LHPP: variants seen among roughly 807,000 people sequenced by gnomAD.
LHPP encodes phospholysine phosphohistidine inorganic pyrophosphate phosphatase, also known as hLHPP.
Under a neutral mutation model 30.3 loss-of-function variants are expected in LHPP, and 24 were observed. The ratio of observed to expected loss-of-function variants is 0.79; its 90% CI spans 0.57 to 1.11. The LOEUF is 1.11. Among genes scored for constraint, LHPP ranks in the 50% most tolerant of loss-of-function variants. The pLI is 0.00. For missense variants in LHPP, 356 were observed against 367.2 expected (o/e 0.97, Z 0.25); for synonymous variants, 150 against 157.1 (o/e 0.95, Z 0.34).
intron 6 of LHPP, among the ~76,000 whole-genome samples, chr10:124,551,062 C>T (rs1343235527): frequency 6.6e-6 from 1 of 152,190 alleles, no homozygotes. Flanking sequence ...TAAAATGGGG[C>T]CATGGGAGCC....
In LHPP at chr10:124,517,069, G is replaced by T; in HGVS notation, c.625-111G>T. ...TATTATCTTGTTTAATTTGTATGAT[G>T]GTGGTTGTAAACATCAAATCAAGCC... On this transcript the variant is annotated intron_variant, in intron 5 of 6. Transcript: ENST00000368842. This position sits in a 1 kb window ranked among gnomAD's most constrained non-coding sequence, Gnocchi z 4.1. 4.6e-6 allele frequency: 3 copies of T among 648,284 alleles called. No individual in the cohort carries two copies. The highest frequency in any genetic ancestry group is 2.7e-4 in the Middle Eastern group (1 of 3,730). The allele number at this position is 648,284 out of a possible 1,614,324, so 40.2% of individuals were successfully genotyped here. A position where few individuals can be genotyped will look rare whatever the true frequency, so the allele number is the denominator to read the frequency against.
intron 6 of LHPP, among the ~76,000 whole-genome samples, chr10:124,563,308 T>TTA (rs1554892863): frequency 0.22 from 32,179 of 145,478 alleles, 3,840 homozygotes; most frequent in East Asian, 0.33. Flanking sequence ...TCTCTCTCTC[T>TTA]TTTTCTTTTT....
At chr10:124,498,558 A>G (rs1953798670) in intron 5 of LHPP, 2 of 1,204,684 alleles carry the variant, frequency 1.7e-6, no homozygotes, top group South Asian at 3.3e-5. Flanking sequence ...AAACTTCCAA[A>G]TTTTAGAAAG....
intron 1 of LHPP, among the ~76,000 whole-genome samples, chr10:124,482,250 T>C (rs1163364955): frequency 1.3e-5 from 2 of 152,226 alleles, no homozygotes; most frequent in Non-Finnish European, 2.9e-5. Context: ...GCCTCCTCTC[T>C]ATGTGTGTTT....
chr10:124,498,163 G>A (rs1475698394), intron 5 of LHPP, 35 bp downstream of exon 5: 3 of 1,592,710 alleles, frequency 1.9e-6, no homozygotes, highest in Non-Finnish European at 2.6e-6. Context: ...GTCAGGGGAG[G>A]CAGCCCCGTC....
At chr10:124,475,334 G>T (rs576383416) in intron 1 of LHPP, among the ~76,000 whole-genome samples, 196 of 151,444 alleles carry the variant, frequency 1.3e-3, no homozygotes, top group African/African-American at 4.3e-3. Context: ...GTGGTCAGGA[G>T]TTCGAGACCA....
At chr10:124,543,080 G>A (rs1005939755) in intron 6 of LHPP, among the ~76,000 whole-genome samples, 9 of 152,310 alleles carry the variant, frequency 5.9e-5, no homozygotes, top group South Asian at 4.1e-4. Context: ...TGGGCCCAGC[G>A]GGTCCTCAGG....
chr10:124,526,326 C>A, intron 6 of LHPP: 1 of 758,936 alleles, frequency 1.3e-6, no homozygotes, highest in Non-Finnish European at 1.6e-6. Flanking sequence ...CTCGTCTACA[C>A]CCTGCAACAG....
Position 124,536,957 on chromosome 10 carries a change from C to T in LHPP, c.716+19686C>T, listed in dbSNP as rs538882218. 3.3e-5 allele frequency among the ~76,000 whole-genome samples: 5 copies of T among 152,192 alleles called. No individual in the cohort carries two copies. In the East Asian group the frequency reaches 5.8e-4, roughly 18 times the overall value. On this transcript the variant is annotated intron_variant, in intron 6 of 6. Transcript: ENST00000368842. ...TGCCCAGGCTCCCCGACCTCTCCAG[C>T]AACAAAAATCATAAACACAGCATAT...
rs1491422653 is a variant in LHPP at position 124,506,272 on chromosome 10, CCA to C, written c.624+8146_624+8147del. On this transcript the variant is annotated intron_variant, in intron 5 of 6. Transcript: ENST00000368842. ...TCAAAAAAAACAACAAACCCCCCCC[CCA>C]CCCCGCGGTTTCTCAACCTCGACAC... is the stretch of plus-strand genomic sequence containing the variant. Among the ~76,000 whole-genome samples, 489 of 128,732 alleles carry C rather than the reference CCA, an allele frequency of 3.8e-3. 11 individuals are homozygous for C. Among genetic ancestry groups the C allele is most frequent in the African/African-American group, 0.014 (467 of 34,418 alleles). The allele number at this position is 128,732 out of a possible 152,430, so 84.5% of individuals were successfully genotyped here.
intron 1 of LHPP, among the ~76,000 whole-genome samples, chr10:124,482,324 A>G (rs952618836): frequency 5.3e-5 from 8 of 152,244 alleles, no homozygotes; most frequent in African/African-American, 1.9e-4. Flanking sequence ...CACAACTTGA[A>G]AGAATAGGTG....
intron 6 of LHPP, among the ~76,000 whole-genome samples, chr10:124,558,935 G>A (rs546286444): frequency 1.3e-5 from 2 of 152,204 alleles, no homozygotes; most frequent in Non-Finnish European, 2.9e-5. Context: ...GACCTTTTCT[G>A]TTGGAATCGT....
intron 2 of LHPP, among the ~76,000 whole-genome samples, chr10:124,484,593 C>G (rs1953259788): frequency 6.6e-6 from 1 of 151,512 alleles, no homozygotes; most frequent in African/African-American, 2.4e-5. Context: ...CCTAGGCTCT[C>G]TTTCCTGATC....
chr10:124,488,091 A>G (rs1953396493), intron 2 of LHPP, among the ~76,000 whole-genome samples: 1 of 152,048 alleles, frequency 6.6e-6, no homozygotes, highest in South Asian at 2.1e-4. Context: ...GTGTCTTCTG[A>G]GCAGATTTCC....
chr10:124,563,703 C>T (rs1402192432), intron 6 of LHPP, among the ~76,000 whole-genome samples: 1 of 152,048 alleles, frequency 6.6e-6, no homozygotes, highest in Non-Finnish European at 1.5e-5. Context: ...TCCAATTAGC[C>T]CCAAATTAAA....
At chr10:124,527,674 G>A (rs777214443) in intron 6 of LHPP, among the ~76,000 whole-genome samples, 19 of 152,338 alleles carry the variant, frequency 1.2e-4, no homozygotes, top group Non-Finnish European at 2.5e-4. Context: ...GGGGAGTCCA[G>A]CTGCCCGGAG....
Position 124,546,481 on chromosome 10 carries a change from C to A in LHPP, c.716+29210C>A, listed in dbSNP as rs563775333. Among the ~76,000 whole-genome samples, 9 of 152,356 alleles carry A rather than the reference C, an allele frequency of 5.9e-5. No homozygotes were observed. The South Asian group carries it at 6.2e-4, about 11-fold the overall frequency. On this transcript the variant is annotated intron_variant, in intron 6 of 6. Coordinates refer to ENST00000368842, the MANE Select transcript of LHPP (RefSeq NM_022126.4). Reference sequence around the variant, plus strand: ...GCAGTGGCGCGATCTCGGCTCACTGCAAGCTCTGCCTCCTGGGTTCACACC... The same window carrying A: ...GCAGTGGCGCGATCTCGGCTCACTGAAAGCTCTGCCTCCTGGGTTCACACC...
intron 3 of LHPP, among the ~76,000 whole-genome samples, chr10:124,495,621 AG>A (rs2133869766): frequency 6.6e-6 from 1 of 152,322 alleles, no homozygotes; most frequent in African/African-American, 2.4e-5. Flanking sequence ...GCCCCAGGGC[AG>A]CTCCCGAGGA....
intron 5 of LHPP, among the ~76,000 whole-genome samples, chr10:124,512,039 C>T (rs1250711106): frequency 6.6e-6 from 1 of 152,160 alleles, no homozygotes; most frequent in Non-Finnish European, 1.5e-5. Context: ...GGTCAGGCCT[C>T]ACAGCCTCCT....
Sources: gnomAD v4.1 joint callset for allele counts (sites outside exome capture counted in the v4.1 genomes callset) on GRCh38, gnomAD v4.1.1 for gene constraint, Gnocchi (gnomAD v3.1) non-coding constraint, MANE v1.5 for transcripts, NCBI Gene and HGNC (gene_info 2026-07-23, HGNC 2026-07-21) for gene names.